KAZN: variants seen among roughly 807,000 people sequenced by gnomAD.
KAZN encodes the protein kazrin, periplakin interacting protein, also known as kazrin.
A neutral mutation model predicts 87.4 loss-of-function variants in KAZN; 40 were observed. The observed-to-expected ratio is 0.46, with a 90% CI of 0.36 to 0.60. The LOEUF is 0.60. Ranked by LOEUF, KAZN falls within the 20% of genes least tolerant of loss-of-function variation. The pLI, the probability that KAZN is intolerant of heterozygous loss-of-function variation, is 0.00. For synonymous variants in KAZN, 466 were observed against 458.3 expected, an observed-to-expected ratio of 1.02 and a Z score of -0.22; for missense variants, 898 against 1,073.9, an observed-to-expected ratio of 0.84 and a Z score of 2.29.
At chr1:15,034,461 C>T (rs1479865709) in intron 2 of KAZN, among the ~76,000 whole-genome samples, 2 of 151,936 alleles carry the variant, frequency 1.3e-5, no homozygotes, top group African/African-American at 2.4e-5. Flanking sequence ...CGTCATTGAA[C>T]ACTCAGCCAG....
chr1:14,600,660 C>A (rs1410025535), intron 1 of KAZN, among the ~76,000 whole-genome samples: 2 of 110,468 alleles, frequency 1.8e-5, no homozygotes, highest in Non-Finnish European at 3.8e-5. Context: ...TCCACTGGAA[C>A]CTGTGCAAAA....
At chr1:14,768,105 A>G (rs1644931636) in intron 1 of KAZN, among the ~76,000 whole-genome samples, 2 of 152,224 alleles carry the variant, frequency 1.3e-5, no homozygotes, top group African/African-American at 4.8e-5. Context: ...AGAAAGTCCA[A>G]GATCAACTCT....
At chr1:14,399,514 T>TTG (rs963640979) in intron 2 of KAZN, among the ~76,000 whole-genome samples, 4 of 152,032 alleles carry the variant, frequency 2.6e-5, no homozygotes, top group African/African-American at 7.2e-5. Flanking sequence ...ACTCTCTCAG[T>TTG]AACAGGCAAG....
intron 2 of KAZN, among the ~76,000 whole-genome samples, chr1:14,466,796 G>A (rs953848538): frequency 6.6e-5 from 10 of 151,906 alleles, no homozygotes; most frequent in South Asian, 2.1e-4. Flanking sequence ...GTGAAACCCT[G>A]TCTCTACTAA....
chr1:14,379,967 G>A (rs1661235359), intron 2 of KAZN, among the ~76,000 whole-genome samples: 1 of 152,196 alleles, frequency 6.6e-6, no homozygotes, highest in Non-Finnish European at 1.5e-5. Flanking sequence ...CAGTCCCGGT[G>A]GTGGTGGGCA....
At chr1:14,267,526 A>C (rs1651583888) in intron 2 of KAZN, among the ~76,000 whole-genome samples, 1 of 152,200 alleles carries the variant, frequency 6.6e-6, no homozygotes, top group Non-Finnish European at 1.5e-5. Flanking sequence ...TTATATACAA[A>C]TACTATACCG....
At chr1:14,539,785 G>C (rs114891040) in intron 2 of KAZN, among the ~76,000 whole-genome samples, 2 of 151,352 alleles carry the variant, frequency 1.3e-5, no homozygotes, top group Non-Finnish European at 2.9e-5. Context: ...CCAAGAATTA[G>C]TGCCTATTTG....
In KAZN at chr1:15,021,044, C is replaced by T. The variant is rs1298303940; in HGVS notation, c.419-13705C>T. Among the ~76,000 whole-genome samples the T allele has an allele frequency of 2.0e-5, 3 of 152,162 alleles. No homozygotes were observed. Among genetic ancestry groups the T allele is most frequent in the East Asian group, 3.9e-4 (2 of 5,186 alleles). Reference sequence around the variant, plus strand: ...TTACGCAGCAGGGGTGAGACCAGTCCATATCACTAGGCACCCAGGGCAGCT... The same window carrying T: ...TTACGCAGCAGGGGTGAGACCAGTCTATATCACTAGGCACCCAGGGCAGCT... On this transcript the variant is annotated intron_variant, in intron 2 of 14. Coordinates refer to ENST00000376030, the MANE Select transcript of KAZN (RefSeq NM_201628.3). The surrounding 1 kb of genome is among the most constrained non-coding windows in gnomAD (Gnocchi z 4.2).
intron 1 of KAZN, among the ~76,000 whole-genome samples, chr1:14,733,667 G>T (rs1414126868): frequency 6.6e-6 from 1 of 152,054 alleles, no homozygotes; most frequent in Non-Finnish European, 1.5e-5. Context: ...GTTCAGCGTG[G>T]GGACTCGGGG....
At chr1:14,952,044 C>CTG (rs1405622660) in intron 1 of KAZN, among the ~76,000 whole-genome samples, 1 of 152,174 alleles carries the variant, frequency 6.6e-6, no homozygotes, top group Non-Finnish European at 1.5e-5. Flanking sequence ...CACCGCAACC[C>CTG]TACATGGGGT....
At chr1:15,020,764 C>G (rs1341080705) in intron 2 of KAZN, among the ~76,000 whole-genome samples, 1 of 152,168 alleles carries the variant, frequency 6.6e-6, no homozygotes, top group Non-Finnish European at 1.5e-5. Context: ...CAGATGCAGG[C>G]CTTTCAGACA....
chr1:14,782,067 T>C (rs978615499), intron 1 of KAZN, among the ~76,000 whole-genome samples: 1 of 152,244 alleles, frequency 6.6e-6, no homozygotes, highest in African/African-American at 2.4e-5. Flanking sequence ...TGTAAAGGTT[T>C]ACAATAGTGT....
At chr1:14,738,832 T>G (rs1643997109) in intron 1 of KAZN, among the ~76,000 whole-genome samples, 1 of 152,114 alleles carries the variant, frequency 6.6e-6, no homozygotes, top group Non-Finnish European at 1.5e-5. Flanking sequence ...GTTAAGCAAC[T>G]TGCTGAAGGC....
chr1:14,945,812 C>T, intron 1 of KAZN: 1 of 940,598 alleles, frequency 1.1e-6, no homozygotes, highest in Non-Finnish European at 1.3e-6. Flanking sequence ...GAGAGCCTCC[C>T]ACCAAAGGGC....
At chr1:14,938,902 A>G (rs1660749921) in intron 1 of KAZN, among the ~76,000 whole-genome samples, 1 of 152,212 alleles carries the variant, frequency 6.6e-6, no homozygotes, top group Non-Finnish European at 1.5e-5. Flanking sequence ...TCAATAAACC[A>G]TCTTAGATAC....
chr1:14,507,765 A>C (rs944309367), intron 2 of KAZN, among the ~76,000 whole-genome samples: 1 of 152,104 alleles, frequency 6.6e-6, no homozygotes, highest in African/African-American at 2.4e-5. Flanking sequence ...CTGATCTCCC[A>C]CCGAAGCTCT....
intron 1 of KAZN, among the ~76,000 whole-genome samples, chr1:14,080,070 G>A (rs913601718): frequency 8.7e-6 from 1 of 115,520 alleles, no homozygotes; most frequent in African/African-American, 3.3e-5. Context: ...ATGAATTTTG[G>A]GGGGATGTAA....
intron 1 of KAZN, among the ~76,000 whole-genome samples, chr1:14,723,462 T>C (rs1643222488): frequency 6.6e-6 from 1 of 152,210 alleles, no homozygotes; most frequent in Non-Finnish European, 1.5e-5. Flanking sequence ...CATCACGGCC[T>C]GTGGCCTCAT....
At chr1:14,169,973 C>G (rs565756147) in intron 1 of KAZN, among the ~76,000 whole-genome samples, 1 of 152,142 alleles carries the variant, frequency 6.6e-6, no homozygotes, top group Non-Finnish European at 1.5e-5. Flanking sequence ...CTTAAAGAGG[C>G]GCACTCTCTT....
Sources: gnomAD v4.1 joint callset for allele counts (sites outside exome capture counted in the v4.1 genomes callset) on GRCh38, gnomAD v4.1.1 for gene constraint, Gnocchi (gnomAD v3.1) non-coding constraint, MANE v1.5 for transcripts, NCBI Gene and HGNC (gene_info 2026-07-23, HGNC 2026-07-21) for gene names.